ZNF618: variants seen among roughly 807,000 people sequenced by gnomAD.
ZNF618 encodes zinc finger protein 618.
Under a neutral mutation model 103.0 loss-of-function variants are expected in ZNF618, and 34 were observed. The ratio of observed to expected loss-of-function variants is 0.33; its 90% CI spans 0.25 to 0.44. The LOEUF is 0.44. Ranked by LOEUF, ZNF618 falls within the 20% of genes least tolerant of loss-of-function variation. The pLI is 1.00. For synonymous variants in ZNF618, 551 were observed against 542.2 expected (o/e 1.02, Z -0.23); for missense variants, 1,059 against 1,295.4 (o/e 0.82, Z 2.80).
chr9:113,898,542 T>C (rs963535338), intron 1 of ZNF618, among the ~76,000 whole-genome samples: 1 of 148,648 alleles, frequency 6.7e-6, no homozygotes, highest in African/African-American at 2.5e-5. Context: ...TCCTCCTGCC[T>C]CAGCCTCCTG....
intron 1 of ZNF618, among the ~76,000 whole-genome samples, chr9:113,954,301 C>T (rs1043699135): frequency 4.6e-5 from 7 of 152,178 alleles, no homozygotes; most frequent in Non-Finnish European, 7.3e-5. Context: ...AGAGTGTCCA[C>T]TGGGTGCTTG....
In ZNF618 at chr9:114,050,448, ACAC is replaced by A; in HGVS notation, c.*282_*284del. ...AGAGAAACTTTGCACACACGCACACACACACACACACACACACACACACACACG... is the reference window on the plus strand; with the variant it reads ...AGAGAAACTTTGCACACACGCACACAACACACACACACACACACACACACG... On this transcript the variant is annotated 3_prime_UTR_variant, in exon 15 of 15. Transcript: ENST00000374126. The A allele has an allele frequency of 3.8e-6, 1 of 266,388 alleles. No individual in the cohort carries two copies. Among genetic ancestry groups the A allele is most frequent in the Admixed American group, 5.1e-5 (1 of 19,634 alleles). 16.5% of individuals were successfully genotyped at this position (266,388 alleles called of 1,614,324 possible). A position where few individuals can be genotyped will look rare whatever the true frequency, so the allele number is the denominator to read the frequency against.
At chr9:113,972,569 T>C (rs1838073257) in intron 2 of ZNF618, among the ~76,000 whole-genome samples, 1 of 152,018 alleles carries the variant, frequency 6.6e-6, no homozygotes, top group African/African-American at 2.4e-5. Flanking sequence ...AGGGATCAGT[T>C]AACACGTGTT....
chr9:114,001,235 A>G (rs1321627413), intron 4 of ZNF618, among the ~76,000 whole-genome samples: 3 of 150,438 alleles, frequency 2.0e-5, no homozygotes, highest in African/African-American at 7.3e-5. Flanking sequence ...GAGCTTGGCC[A>G]TTTCAGTCTC....
At chr9:114,014,055 C>T (rs954657300) in intron 9 of ZNF618, among the ~76,000 whole-genome samples, 18 of 152,120 alleles carry the variant, frequency 1.2e-4, no homozygotes, top group Non-Finnish European at 1.5e-5. Context: ...ATCTTATATA[C>T]TGTCTAATTG....
intron 1 of ZNF618, among the ~76,000 whole-genome samples, chr9:113,937,984 T>C (rs990562145): frequency 6.6e-6 from 1 of 152,172 alleles, no homozygotes; most frequent in Admixed American, 6.5e-5. Context: ...TCTGTTCTTC[T>C]ACATGAGCTT....
rs975243725 is a variant in ZNF618 at position 114,040,603 on chromosome 9, A to G, written c.1246+4226A>G. 5.3e-5 allele frequency among the ~76,000 whole-genome samples: 8 copies of G among 152,200 alleles called. 1 individual carries two copies. The highest frequency in any genetic ancestry group is 1.3e-4 in the Admixed American group (2 of 15,292). On this transcript the variant is annotated intron_variant, in intron 13 of 14. Coordinates refer to ENST00000374126, the MANE Select transcript of ZNF618 (RefSeq NM_001318042.2). ...GTGTTTGGTTTTTTGTCTTTGTGAT[A>G]GTTTGCTGAGAATGATGGTTTCCAG...
chr9:113,980,609 T>C (rs139723293), intron 2 of ZNF618, among the ~76,000 whole-genome samples: 1 of 152,126 alleles, frequency 6.6e-6, no homozygotes, highest in Non-Finnish European at 1.5e-5. Flanking sequence ...CTCCATGAGA[T>C]CGCTTAGGAA....
At chr9:113,884,733 C>T (rs1467009283) in intron 1 of ZNF618, among the ~76,000 whole-genome samples, 1 of 151,200 alleles carries the variant, frequency 6.6e-6, no homozygotes, top group Non-Finnish European at 1.5e-5. Context: ...CCCCATGGGA[C>T]ATGAAGCCAG....
At chr9:113,962,041 C>T (rs1013470258) in intron 1 of ZNF618, among the ~76,000 whole-genome samples, 1 of 152,190 alleles carries the variant, frequency 6.6e-6, no homozygotes, top group African/African-American at 2.4e-5. Context: ...AGCCCCTCCA[C>T]GTGCTTGGTT....
intron 1 of ZNF618, among the ~76,000 whole-genome samples, chr9:113,953,866 G>A (rs1317610913): frequency 2.0e-5 from 3 of 152,112 alleles, no homozygotes; most frequent in African/African-American, 7.2e-5. Context: ...GTGAAGACAG[G>A]TAATAAAAAG....
chr9:113,959,757 A>C (rs1468259717), intron 1 of ZNF618, among the ~76,000 whole-genome samples: 1 of 152,124 alleles, frequency 6.6e-6, no homozygotes, highest in East Asian at 1.9e-4. Context: ...ACAGGAGTCC[A>C]CCACCATGCC....
chr9:113,965,218 C>T (rs1042774519), intron 1 of ZNF618, among the ~76,000 whole-genome samples: 6 of 152,078 alleles, frequency 3.9e-5, no homozygotes, highest in African/African-American at 1.4e-4. Context: ...CTGGAGCACA[C>T]GAATTGCCTG....
intron 1 of ZNF618, among the ~76,000 whole-genome samples, chr9:113,909,543 C>T (rs905015112): frequency 9.2e-5 from 14 of 152,132 alleles, no homozygotes; most frequent in Admixed American, 1.3e-4. Context: ...GTGATGCCCA[C>T]TGAGGTTTGG....
chr9:113,986,974 C>G (rs1839546973), intron 2 of ZNF618, among the ~76,000 whole-genome samples: 1 of 152,222 alleles, frequency 6.6e-6, no homozygotes, highest in African/African-American at 2.4e-5. Flanking sequence ...GGACTGGAGC[C>G]TGGGTCCCTG....
At chr9:113,915,923 G>T (rs1357716228) in intron 1 of ZNF618, among the ~76,000 whole-genome samples, 1 of 152,216 alleles carries the variant, frequency 6.6e-6, no homozygotes, top group Non-Finnish European at 1.5e-5. Context: ...GCTAGACATA[G>T]TAGATGCTTA....
chr9:114,006,057 C>T (rs983884386), intron 6 of ZNF618, among the ~76,000 whole-genome samples: 7 of 152,192 alleles, frequency 4.6e-5, no homozygotes, highest in African/African-American at 1.2e-4. Context: ...TCAGAGAATA[C>T]GAAGAGGTGA....
At chr9:113,965,264 A>C (rs1329710004) in intron 1 of ZNF618, among the ~76,000 whole-genome samples, 1 of 152,186 alleles carries the variant, frequency 6.6e-6, no homozygotes, top group Non-Finnish European at 1.5e-5. Context: ...AATGCAGCTA[A>C]TGTCTTACAA....
chr9:113,888,228 C>T (rs1829258877), intron 1 of ZNF618, among the ~76,000 whole-genome samples: 1 of 152,184 alleles, frequency 6.6e-6, no homozygotes, highest in African/African-American at 2.4e-5. Context: ...GTAACTTGCC[C>T]AGGATGTGGA....
Sources: gnomAD v4.1 joint callset for allele counts (sites outside exome capture counted in the v4.1 genomes callset) on GRCh38, gnomAD v4.1.1 for gene constraint, MANE v1.5 for transcripts, NCBI Gene and HGNC (gene_info 2026-07-23, HGNC 2026-07-21) for gene names.